MCTP1: variants seen among roughly 807,000 people sequenced by gnomAD.
MCTP1 encodes multiple C2 and transmembrane domain-containing protein 1.
In MCTP1, 69 loss-of-function variants were observed where a neutral mutation model predicts 120.6. The ratio of observed to expected loss-of-function variants is 0.57; its 90% CI spans 0.47 to 0.70. The LOEUF (loss-of-function observed/expected upper bound fraction) is 0.70. Ranked by LOEUF, MCTP1 falls within the 30% of genes least tolerant of loss-of-function variation. The probability of loss-of-function intolerance (pLI) is 0.00; values close to 1 mark genes in which losing one functional copy is unlikely to be tolerated. For synonymous variants in MCTP1, 529 were observed against 493.1 expected (o/e 1.07, Z -0.96); for missense variants, 1,203 against 1,248.8 (o/e 0.96, Z 0.55).
chr5:94,922,958 G>T (rs1812049657), intron 7 of MCTP1, among the ~76,000 whole-genome samples: 2 of 127,174 alleles, frequency 1.6e-5, no homozygotes, highest in Non-Finnish European at 3.3e-5. Context: ...AATGAAAAGG[G>T]TATAATTACT....
chr5:94,854,175 G>T (rs561743392), intron 17 of MCTP1, among the ~76,000 whole-genome samples: 1 of 151,816 alleles, frequency 6.6e-6, no homozygotes, highest in East Asian at 2.0e-4. Flanking sequence ...AGAAACACTA[G>T]ACATTATGAA....
intron 17 of MCTP1, among the ~76,000 whole-genome samples, chr5:94,838,136 A>G (rs1186734510): frequency 6.6e-6 from 1 of 152,226 alleles, no homozygotes; most frequent in Non-Finnish European, 1.5e-5. Context: ...CTAGAGTTAC[A>G]TTTAGGCCAT....
rs1484739522 is a variant in MCTP1, at chr5:94,704,112, TG to T, written c.*3383del. ...AAAGAATTTACCACATTATTTTCTATGTGGTTTTAATTCATACTTTACTGAG... is the reference window on the plus strand; with the variant it reads ...AAAGAATTTACCACATTATTTTCTATTGGTTTTAATTCATACTTTACTGAG... On this transcript the variant is annotated 3_prime_UTR_variant, in exon 23 of 23. Transcript: ENST00000515393. The T allele has an allele frequency of 6.6e-6, 1 of 151,092 alleles. No homozygotes were observed. The highest frequency in any genetic ancestry group is 2.4e-5 in the African/African-American group (1 of 41,384). The allele number at this position is 151,092 out of a possible 1,614,324, so 9.4% of individuals were successfully genotyped here.
chr5:94,769,069 A>C (rs1260498441), intron 19 of MCTP1, among the ~76,000 whole-genome samples: 1 of 152,178 alleles, frequency 6.6e-6, no homozygotes, highest in African/African-American at 2.4e-5. Context: ...AAAAGGAATA[A>C]AATTACATCA....
At chr5:94,725,097 C>A (rs777734425) in intron 19 of MCTP1, among the ~76,000 whole-genome samples, 1 of 152,000 alleles carries the variant, frequency 6.6e-6, no homozygotes, top group African/African-American at 2.4e-5. Flanking sequence ...TGTGAAAGCA[C>A]GTGAACCTGT....
At chr5:94,843,416 G>T (rs567842752) in intron 17 of MCTP1, among the ~76,000 whole-genome samples, 12 of 152,240 alleles carry the variant, frequency 7.9e-5, no homozygotes, top group African/African-American at 2.9e-4. Context: ...CACAAGAAAG[G>T]GCATCAGAGG....
chr5:94,885,746 C>A (rs945630688), intron 12 of MCTP1, among the ~76,000 whole-genome samples: 1 of 152,112 alleles, frequency 6.6e-6, no homozygotes, highest in African/African-American at 2.4e-5. Context: ...TTAACCTTTT[C>A]ACTGGTTAGT....
At chr5:94,716,269 A>G (rs1198508249) in intron 19 of MCTP1, among the ~76,000 whole-genome samples, 1 of 152,244 alleles carries the variant, frequency 6.6e-6, no homozygotes, top group African/African-American at 2.4e-5. Context: ...CGAGACGCAT[A>G]AAGCTTAATA....
chr5:95,141,692 C>T (rs963482860), intron 1 of MCTP1, among the ~76,000 whole-genome samples: 6 of 152,162 alleles, frequency 3.9e-5, no homozygotes, highest in African/African-American at 1.4e-4. Context: ...CCTACCCCAT[C>T]TTTCTCTCTC....
intron 17 of MCTP1, among the ~76,000 whole-genome samples, chr5:94,861,276 A>G (rs1300499548): frequency 6.6e-6 from 1 of 151,880 alleles, no homozygotes; most frequent in Non-Finnish European, 1.5e-5. Flanking sequence ...GAAGGGGCAA[A>G]GTAAAATGGG....
rs564194625 is a variant in MCTP1 at position 95,015,023 on chromosome 5, A to AT, written c.838+2343dup. Among the ~76,000 whole-genome samples the AT allele has an allele frequency of 1.4e-4, 21 of 152,032 alleles. 1 individual carries two copies. In the South Asian group the frequency reaches 2.1e-3, roughly 15 times the overall value. ...ACAGAAGGCTCAGATGATTGTTAGC[A>AT]TTTTTTTTAGCAATAAAGTATTTTT... On this transcript the variant is annotated intron_variant, in intron 2 of 22. Transcript: ENST00000515393.
chr5:94,902,885 A>G (rs1446214306), intron 10 of MCTP1, among the ~76,000 whole-genome samples: 1 of 152,322 alleles, frequency 6.6e-6, no homozygotes, highest in South Asian at 2.1e-4. Flanking sequence ...TTGAAGGTAA[A>G]CTACACACTA....
intron 1 of MCTP1, among the ~76,000 whole-genome samples, chr5:95,164,683 AATT>A (rs1294522449): frequency 1.3e-5 from 2 of 152,212 alleles, no homozygotes; most frequent in Non-Finnish European, 2.9e-5. Flanking sequence ...ATATGTTAAA[AATT>A]ATTTGCTATT....
rs1561495586 is a variant in MCTP1 at position 94,706,577 on chromosome 5, G to GTTTTT, written c.*918_*919insAAAAA. 2.0e-4 allele frequency: 17 copies of GTTTTT among 84,408 alleles called. No homozygotes were observed. The East Asian group carries it at 8.1e-3, about 40-fold the overall frequency. The allele number at this position is 84,408 out of a possible 1,614,324, so 5.2% of individuals were successfully genotyped here. On this transcript the variant is annotated 3_prime_UTR_variant, in exon 23 of 23. Transcript: ENST00000515393. ...ATTTCAGTAATCTAATGAGAAAGCA[G>GTTTTT]GTTTTTTTTTTCTCTGAGAGCACTT... is the stretch of plus-strand genomic sequence containing the variant.
chr5:94,707,662 G>T lies in MCTP1; in HGVS notation c.2929-95C>A, dbSNP rs1315531162. ...GAATGAGAGACGGTGCTTGGGGGAA[G>T]AAAGTGCTCACTCTAGAAGCTGTAT... On this transcript the variant is annotated intron_variant, in intron 22 of 22. Transcript: ENST00000515393. 16 of 869,284 alleles carry T rather than the reference G, an allele frequency of 1.8e-5. No homozygotes were observed. In the Admixed American group the frequency reaches 2.9e-4, roughly 16 times the overall value. The allele number at this position is 869,284 out of a possible 1,614,324, so 53.8% of individuals were successfully genotyped here. A position where few individuals can be genotyped will look rare whatever the true frequency, so the allele number is the denominator to read the frequency against.
intron 19 of MCTP1, among the ~76,000 whole-genome samples, chr5:94,724,622 A>G (rs559469720): frequency 2.0e-5 from 3 of 152,246 alleles, no homozygotes; most frequent in Admixed American, 6.5e-5. Flanking sequence ...CGATTTGACC[A>G]ATGGGTTACA....
chr5:95,201,672 T>C (rs892041823), intron 1 of MCTP1, among the ~76,000 whole-genome samples: 3 of 151,594 alleles, frequency 2.0e-5, no homozygotes, highest in Non-Finnish European at 4.4e-5. Context: ...GCCTGGCTAG[T>C]TTTTGTATTT....
At chr5:95,106,539 T>C (rs1027989453) in intron 1 of MCTP1, among the ~76,000 whole-genome samples, 1 of 152,262 alleles carries the variant, frequency 6.6e-6, no homozygotes, top group African/African-American at 2.4e-5. Flanking sequence ...AACAAATTCC[T>C]GTTTTGTTCA....
intron 1 of MCTP1, among the ~76,000 whole-genome samples, chr5:95,240,920 T>G (rs1028057611): frequency 4.7e-4 from 72 of 152,020 alleles, no homozygotes; most frequent in Non-Finnish European, 9.6e-4. Context: ...CCTCTCTCTC[T>G]CCACCCACCT....
Sources: gnomAD v4.1 joint callset for allele counts (sites outside exome capture counted in the v4.1 genomes callset) on GRCh38, gnomAD v4.1.1 for gene constraint, MANE v1.5 for transcripts, NCBI Gene and HGNC (gene_info 2026-07-23, HGNC 2026-07-21) for gene names.